The following RFTN1 variants were observed in gnomAD, a reference collection of about 807,000 sequenced individuals.
RFTN1 encodes raftlin.
RFTN1 carries 26 observed loss-of-function variants against 46.5 expected under a neutral mutation model. The ratio of observed to expected loss-of-function variants is 0.56; its 90% CI spans 0.41 to 0.78. The LOEUF (loss-of-function observed/expected upper bound fraction) is 0.78. Among genes scored for constraint, RFTN1 ranks in the 30% least tolerant of loss-of-function variants. The probability of loss-of-function intolerance (pLI) is 0.00; values close to 1 mark genes in which losing one functional copy is unlikely to be tolerated. For missense variants in RFTN1, 693 were observed against 718.7 expected (o/e 0.96, Z 0.41); for synonymous variants, 261 against 284.2 (o/e 0.92, Z 0.82).
chr3:16,420,906 T>C (rs1270686451), intron 3 of RFTN1, among the ~76,000 whole-genome samples: 1 of 152,192 alleles, frequency 6.6e-6, no homozygotes, highest in Non-Finnish European at 1.5e-5. Flanking sequence ...AGAGTCTGTG[T>C]CTCTAAGAGC....
rs1049423738 is a variant in RFTN1, at chr3:16,341,164, G to A, written c.1147-14288C>T. On this transcript the variant is annotated intron_variant, in intron 7 of 9. Coordinates refer to ENST00000334133, the MANE Select transcript of RFTN1 (RefSeq NM_015150.2). The surrounding 1 kb of genome is among the most constrained non-coding windows in gnomAD (Gnocchi z 4.7). ...CAAAACACTGACAATACTTAATGCCGGTGAGGATGTGGAACAACAGCAACT... is the reference window on the plus strand; with the variant it reads ...CAAAACACTGACAATACTTAATGCCAGTGAGGATGTGGAACAACAGCAACT... Among the ~76,000 whole-genome samples the A allele has an allele frequency of 5.3e-5, 8 of 152,330 alleles. No individual in the cohort carries two copies. In the East Asian group the frequency reaches 7.7e-4, roughly 15 times the overall value.
At position 16,376,144 on chromosome 3, in the gene RFTN1, G is replaced by C. The variant is rs2073759957; in HGVS notation, c.826+1574C>G. ...TCCTTTCTCAAAGCCAGGATTCCAT[G>C]AGAGGTGGAGGTCGAGTGTCAGGAC... is the stretch of plus-strand genomic sequence containing the variant. On this transcript the variant is annotated intron_variant, in intron 5 of 9. Coordinates refer to ENST00000334133, the MANE Select transcript of RFTN1 (RefSeq NM_015150.2). The surrounding 1 kb of genome is among the most constrained non-coding windows in gnomAD (Gnocchi z 4.7). Among the ~76,000 whole-genome samples the C allele has an allele frequency of 6.6e-6, 1 of 152,176 alleles. No homozygotes were observed. The highest frequency in any genetic ancestry group is 1.5e-5 in the Non-Finnish European group (1 of 68,020).
In RFTN1 at chr3:16,381,705, G is replaced by T. The variant is rs1445305806; in HGVS notation, c.442-3603C>A. ...CAAGGAAGGATCATGATGGGCAAAA[G>T]CGTGACAGTATGCAACAGCCTGGTG... is the stretch of plus-strand genomic sequence containing the variant. On this transcript the variant is annotated intron_variant, in intron 4 of 9. Transcript: ENST00000334133. This position sits in a 1 kb window ranked among gnomAD's most constrained non-coding sequence, Gnocchi z 4.2. 2.6e-5 allele frequency among the ~76,000 whole-genome samples: 4 copies of T among 152,202 alleles called. No individual in the cohort carries two copies. Among genetic ancestry groups the T allele is most frequent in the Non-Finnish European group, 4.4e-5 (3 of 68,036 alleles).
At chr3:16,423,352 A>G (rs1166633513) in intron 3 of RFTN1, among the ~76,000 whole-genome samples, 1 of 152,178 alleles carries the variant, frequency 6.6e-6, no homozygotes, top group Admixed American at 6.5e-5. Flanking sequence ...ATATCCTACA[A>G]TGTACAGGAC....
intron 7 of RFTN1, among the ~76,000 whole-genome samples, chr3:16,355,653 G>A (rs1241979969): frequency 6.6e-6 from 1 of 152,170 alleles, no homozygotes; most frequent in African/African-American, 2.4e-5. Flanking sequence ...ACCCGCCCTG[G>A]TTCTTAAAAT....
rs2072815240 is a variant in RFTN1, at chr3:16,361,311, A to T, written c.1031-3264T>A. On this transcript the variant is annotated intron_variant, in intron 6 of 9. Transcript: ENST00000334133. This position sits in a 1 kb window ranked among gnomAD's most constrained non-coding sequence, Gnocchi z 4.3. ...TTATGACACCTACTGGGAATCTATT[A>T]TGTGCCAAGTAGTCCTGTAGTCACT... 6.6e-6 allele frequency among the ~76,000 whole-genome samples: 1 copy of T among 152,208 alleles called. No individual in the cohort carries two copies. The highest frequency in any genetic ancestry group is 2.4e-5 in the African/African-American group (1 of 41,460).
rs2074204120 is a variant in RFTN1, at chr3:16,387,066, G to A, written c.442-8964C>T. Among the ~76,000 whole-genome samples the A allele has an allele frequency of 6.6e-6, 1 of 152,182 alleles. No individual in the cohort carries two copies. Among genetic ancestry groups the A allele is most frequent in the African/African-American group, 2.4e-5 (1 of 41,458 alleles). On this transcript the variant is annotated intron_variant, in intron 4 of 9. Coordinates refer to ENST00000334133, the MANE Select transcript of RFTN1 (RefSeq NM_015150.2). This position sits in a 1 kb window ranked among gnomAD's most constrained non-coding sequence, Gnocchi z 5.2. ...GTGACCAGCAGTGAAGACCCAGAAA[G>A]CTGCTTTAAGAGGCACACAGATGAG...
At position 16,358,000 on chromosome 3, in the gene RFTN1, A is replaced by G. The variant is rs747652257; in HGVS notation, c.1078T>C (p.Ser360Pro). The G allele has an allele frequency of 1.2e-6, 2 of 1,613,666 alleles. No homozygotes were observed. Among genetic ancestry groups the G allele is most frequent in the Middle Eastern group, 1.6e-4 (1 of 6,062 alleles). ...TDGVFIFEAV[S>P]TEDSKTIQGY... Reference sequence around the variant, plus strand: ...TGTATGGTTTTGCTATCTTCTGTGGAAACAGCTTCAAAGATGAATACTCCA... The same window carrying G: ...TGTATGGTTTTGCTATCTTCTGTGGGAACAGCTTCAAAGATGAATACTCCA... Residue 360 changes from serine (S) to proline (P), a missense_variant, in exon 7 of 10, where the codon TCC becomes CCC. Coordinates refer to ENST00000334133, the MANE Select transcript of RFTN1 (RefSeq NM_015150.2).
chr3:16,465,843 G>T lies in RFTN1; in HGVS notation c.145+27882C>A, dbSNP rs1290748813. 6.6e-6 allele frequency among the ~76,000 whole-genome samples: 1 copy of T among 152,152 alleles called. No individual in the cohort carries two copies. The highest frequency in any genetic ancestry group is 2.4e-5 in the African/African-American group (1 of 41,422). ...CGGGAAAAGCAAGATGTAAGGTAGA[G>T]AAAGACTAATTCATAAAAGTAAGGG... On this transcript the variant is annotated intron_variant, in intron 2 of 9. Coordinates refer to ENST00000334133, the MANE Select transcript of RFTN1 (RefSeq NM_015150.2). This position sits in a 1 kb window ranked among gnomAD's most constrained non-coding sequence, Gnocchi z 5.1.
chr3:16,418,552 G>A lies in RFTN1; in HGVS notation c.333-9069C>T, dbSNP rs1407615143. 6.6e-6 allele frequency among the ~76,000 whole-genome samples: 1 copy of A among 151,824 alleles called. No homozygotes were observed. The highest frequency in any genetic ancestry group is 6.6e-5 in the Admixed American group (1 of 15,252). Reference sequence around the variant, plus strand: ...AGATTACTAGGCACTTCTCCAGCCAGGAAAAAAAATACTAAACGTCAGTTG... The same window carrying A: ...AGATTACTAGGCACTTCTCCAGCCAAGAAAAAAAATACTAAACGTCAGTTG... On this transcript the variant is annotated intron_variant, in intron 3 of 9. Transcript: ENST00000334133. The surrounding 1 kb of genome is among the most constrained non-coding windows in gnomAD (Gnocchi z 5.0).
intron 1 of RFTN1, among the ~76,000 whole-genome samples, chr3:16,496,670 A>G (rs951737199): frequency 2.6e-5 from 4 of 152,204 alleles, no homozygotes; most frequent in Admixed American, 2.0e-4. Context: ...AAAACTGACA[A>G]TATGTTGGAA....
At position 16,425,726 on chromosome 3, in the gene RFTN1, G is replaced by A. The variant is rs934930707; in HGVS notation, c.332+8125C>T. ...ACGCTGGCATATGAGATTGAAAAGT[G>A]CAAACAAATAATTAACGGTGAATCC... is the stretch of plus-strand genomic sequence containing the variant. On this transcript the variant is annotated intron_variant, in intron 3 of 9. Coordinates refer to ENST00000334133, the MANE Select transcript of RFTN1 (RefSeq NM_015150.2). The surrounding 1 kb of genome is among the most constrained non-coding windows in gnomAD (Gnocchi z 4.3). 5.3e-5 allele frequency among the ~76,000 whole-genome samples: 8 copies of A among 152,078 alleles called. No homozygotes were observed. The highest frequency in any genetic ancestry group is 1.9e-4 in the African/African-American group (8 of 41,396).
In RFTN1 at chr3:16,315,990, C is replaced by G. The variant is rs1575203766; in HGVS notation, c.*838G>C. On this transcript the variant is annotated 3_prime_UTR_variant, in exon 10 of 10. Coordinates refer to ENST00000334133, the MANE Select transcript of RFTN1 (RefSeq NM_015150.2). ...ACCTAAAGCCTTAATACTTTCTGGA[C>G]GATATACACATGATAAACACAGCAT... 6.6e-6 allele frequency: 1 copy of G among 152,188 alleles called. No homozygotes were observed. Among genetic ancestry groups the G allele is most frequent in the Non-Finnish European group, 1.5e-5 (1 of 68,046 alleles). The allele number at this position is 152,188 out of a possible 1,614,324, so 9.4% of individuals were successfully genotyped here.
intron 3 of RFTN1, chr3:16,416,319 G>A: frequency 2.5e-6 from 1 of 394,160 alleles, no homozygotes; most frequent in Non-Finnish European, 5.1e-6. Flanking sequence ...TGGAGGCAAT[G>A]GAGAAGCAAC....
chr3:16,401,104 G>C (rs531311474), intron 4 of RFTN1, among the ~76,000 whole-genome samples: 2 of 152,252 alleles, frequency 1.3e-5, no homozygotes, highest in South Asian at 2.1e-4. Flanking sequence ...TTGAGCCCAG[G>C]AATTCAAGAC....
At position 16,428,567 on chromosome 3, in the gene RFTN1, G is replaced by T. The variant is rs2075327827; in HGVS notation, c.332+5284C>A. 6.6e-6 allele frequency among the ~76,000 whole-genome samples: 1 copy of T among 152,142 alleles called. No individual in the cohort carries two copies. Among genetic ancestry groups the T allele is most frequent in the South Asian group, 2.1e-4 (1 of 4,830 alleles). On this transcript the variant is annotated intron_variant, in intron 3 of 9. Coordinates refer to ENST00000334133, the MANE Select transcript of RFTN1 (RefSeq NM_015150.2). This position sits in a 1 kb window ranked among gnomAD's most constrained non-coding sequence, Gnocchi z 4.7. ...CCCCCACCCTAATCCTAGGCCAAAA[G>T]GTGCCTGATAAATGTCCACAGAGCT...
At chr3:16,372,966 T>C (rs689876) in intron 5 of RFTN1, among the ~76,000 whole-genome samples, 81,089 of 152,034 alleles carry the variant, frequency 0.53, 22,072 homozygotes, top group African/African-American at 0.58. Context: ...TCTCCTTGTC[T>C]CCAGTCCTTT....
In RFTN1 at chr3:16,504,174, A is replaced by T. The variant is rs1444520506; in HGVS notation, c.-9+9268T>A. On this transcript the variant is annotated intron_variant, in intron 1 of 9. Transcript: ENST00000334133. The surrounding 1 kb of genome is among the most constrained non-coding windows in gnomAD (Gnocchi z 4.4). The stretch of plus-strand genomic sequence containing the variant: ...TTCGTTTTATTAAGTAGTTAGGTCC[A>T]AACAACTTAATACTTATTCACAGCC... Among the ~76,000 whole-genome samples the T allele has an allele frequency of 6.6e-6, 1 of 152,250 alleles. No homozygotes were observed. Among genetic ancestry groups the T allele is most frequent in the Non-Finnish European group, 1.5e-5 (1 of 68,042 alleles).
chr3:16,498,834 G>A lies in RFTN1; in HGVS notation c.-8-4957C>T, dbSNP rs10780004. Among the ~76,000 whole-genome samples, 10,334 of 152,196 alleles carry A rather than the reference G, an allele frequency of 0.068. 497 individuals carry two copies. Among genetic ancestry groups the A allele is most frequent in the Middle Eastern group, 0.13 (37 of 294 alleles). On this transcript the variant is annotated intron_variant, in intron 1 of 9. Coordinates refer to ENST00000334133, the MANE Select transcript of RFTN1 (RefSeq NM_015150.2). This position sits in a 1 kb window ranked among gnomAD's most constrained non-coding sequence, Gnocchi z 5.2. ...ATCATTTCAAAAATGTCTATACCAT[G>A]CTCAAAACAAGTCAGAAAAATCTAG... is the stretch of plus-strand genomic sequence containing the variant.
Sources: gnomAD v4.1 joint callset for allele counts (sites outside exome capture counted in the v4.1 genomes callset) on GRCh38, gnomAD v4.1.1 for gene constraint, Gnocchi (gnomAD v3.1) non-coding constraint, MANE v1.5 for transcripts, NCBI Gene and HGNC (gene_info 2026-07-23, HGNC 2026-07-21) for gene names.